The following EFCAB7 variants were observed in gnomAD, a reference collection of about 807,000 sequenced individuals.
EFCAB7 encodes the protein EF-hand calcium binding domain 7.
Under a neutral mutation model 77.1 loss-of-function variants are expected in EFCAB7, and 66 were observed. The observed-to-expected ratio is 0.86, with a 90% CI of 0.70 to 1.05. The LOEUF (loss-of-function observed/expected upper bound fraction) is 1.05, where lower values mean the gene tolerates loss of function less well. Among genes scored for constraint, EFCAB7 ranks in the 50% least tolerant of loss-of-function variants. The probability of loss-of-function intolerance (pLI) is 0.00; values close to 1 mark genes in which losing one functional copy is unlikely to be tolerated. For missense variants in EFCAB7, 638 were observed against 730.5 expected (o/e 0.87, Z 1.46); for synonymous variants, 225 against 243.3 (o/e 0.92, Z 0.70).
downstream of EFCAB7, chr1:63,572,708 T>A (rs112473856): frequency 3.1e-4 from 297 of 944,140 alleles, 2 homozygotes; most frequent in African/African-American, 4.8e-3. Context: ...GTGGTGTTCT[T>A]ATTTAGTAGG....
Position 63,572,687 on chromosome 1 carries a change from G to T in EFCAB7, c.*171G>T. On this transcript the variant is annotated 3_prime_UTR_variant, in exon 14 of 14. Transcript: ENST00000371088. ...ACTTTATTATTAAAATATAAATAATGCTTTCATTGTGTGGTGTTCTTATTT... is the reference window on the plus strand; with the variant it reads ...ACTTTATTATTAAAATATAAATAATTCTTTCATTGTGTGGTGTTCTTATTT... 1 of 987,454 alleles carries T rather than the reference G, an allele frequency of 1.0e-6. No individual in the cohort carries two copies. The highest frequency in any genetic ancestry group is 3.9e-5 in the South Asian group (1 of 25,578). 61.2% of individuals were successfully genotyped at this position (987,454 alleles called of 1,614,324 possible). A position where few individuals can be genotyped will look rare whatever the true frequency, so the allele number is the denominator to read the frequency against.
At position 63,525,468 on chromosome 1, in the gene EFCAB7, A is replaced by G. The variant is rs1024467472; in HGVS notation, c.-1-104A>G. On this transcript the variant is annotated intron_variant, in intron 1 of 13. Coordinates refer to ENST00000371088, the MANE Select transcript of EFCAB7 (RefSeq NM_032437.4). ...TCATATATGTTATAAATTTTCTTCT[A>G]TGTATAAAATCTTGATTCTCCTCCC... The G allele has an allele frequency of 9.7e-5, 86 of 888,814 alleles. 3 individuals carry two copies. The Middle Eastern group carries it at 1.2e-3, about 12-fold the overall frequency. The allele number at this position is 888,814 out of a possible 1,614,324, so 55.1% of individuals were successfully genotyped here.
At chr1:63,566,049 A>G (rs147009298) in intron 11 of EFCAB7, among the ~76,000 whole-genome samples, 50 of 152,376 alleles carry the variant, frequency 3.3e-4, no homozygotes, top group African/African-American at 1.1e-3. Flanking sequence ...ATACACATGT[A>G]TGTTCATTGC....
rs1485276791 is a variant in EFCAB7 at position 63,534,037 on chromosome 1, A to G, written c.683-58A>G. 22 of 1,600,384 alleles carry G rather than the reference A, an allele frequency of 1.4e-5. No individual in the cohort carries two copies. The East Asian group carries it at 4.7e-4, about 34-fold the overall frequency. ...CTTTTATACTGCACTGTGTTTGGAAAAAACTCCTATTGACAACTTTTCATA... is the reference window on the plus strand; with the variant it reads ...CTTTTATACTGCACTGTGTTTGGAAGAAACTCCTATTGACAACTTTTCATA... On this transcript the variant is annotated intron_variant, in intron 5 of 13. Transcript: ENST00000371088.
At chr1:63,562,647 A>C (rs889948982) in intron 11 of EFCAB7, among the ~76,000 whole-genome samples, 3 of 148,890 alleles carry the variant, frequency 2.0e-5, no homozygotes, top group Admixed American at 6.7e-5. Flanking sequence ...CTACAGGTGC[A>C]TGCCCCCACG....
intron 11 of EFCAB7, 83 bp from the exon 12 acceptor site, chr1:63,568,227 C>T: frequency 8.6e-7 from 1 of 1,166,696 alleles, no homozygotes; most frequent in South Asian, 1.6e-5. Flanking sequence ...GAAGGTATAG[C>T]ATATCTTCTT....
chr1:63,546,925 T>G (rs548801560), intron 7 of EFCAB7, among the ~76,000 whole-genome samples: 96 of 152,344 alleles, frequency 6.3e-4, no homozygotes, highest in African/African-American at 2.2e-3. Context: ...CAATGAAAGA[T>G]ATCTATCTAT....
At chr1:63,532,137 G>A (rs1270128613) in intron 3 of EFCAB7, 106 bp downstream of exon 3, 9 of 790,024 alleles carry the variant, frequency 1.1e-5, no homozygotes, top group Non-Finnish European at 1.9e-5. Context: ...TCATTGAGAG[G>A]TTAAATGAAT....
intron 11 of EFCAB7, among the ~76,000 whole-genome samples, chr1:63,563,492 G>A (rs968810422): frequency 6.6e-6 from 1 of 152,186 alleles, no homozygotes; most frequent in Admixed American, 6.5e-5. Context: ...TTCAAGGATT[G>A]CCTGGCTTTT....
intron 6 of EFCAB7, among the ~76,000 whole-genome samples, chr1:63,538,445 A>AT (rs59521276): frequency 0.14 from 20,929 of 149,952 alleles, 1,550 homozygotes; most frequent in Middle Eastern, 0.24. Flanking sequence ...TTGAAAGGGT[A>AT]TTTTTTTTTC....
rs557979683 is a variant in EFCAB7, at chr1:63,557,050, A to C, written c.1215-64A>C. 3.8e-4 allele frequency: 527 copies of C among 1,393,056 alleles called. No homozygotes were observed. In the African/African-American group the frequency reaches 7.2e-3, roughly 19 times the overall value. 86.3% of individuals were successfully genotyped at this position (1,393,056 alleles called of 1,614,324 possible). A position where few individuals can be genotyped will look rare whatever the true frequency, so the allele number is the denominator to read the frequency against. ...GAGACTCCGTCTCAAAAAAAAAAAA[A>C]AAACCCTTCTTCAGCGTAGTTGCCT... On this transcript the variant is annotated intron_variant, in intron 9 of 13. Transcript: ENST00000371088.
intron 6 of EFCAB7, among the ~76,000 whole-genome samples, chr1:63,543,822 A>G (rs1459943376): frequency 2.0e-5 from 3 of 152,218 alleles, no homozygotes; most frequent in African/African-American, 7.2e-5. Context: ...CATTTCAGGT[A>G]GGCAAGCCTA....
chr1:63,581,819 C>T, the EFCAB7 span, among the ~76,000 whole-genome samples: 2 of 151,236 alleles, frequency 1.3e-5, no homozygotes, highest in East Asian at 3.9e-4. Flanking sequence ...TAGATAGTGG[C>T]CTGTTTTATC....
rs765217503 is a variant in EFCAB7, at chr1:63,568,397, G to C, written c.1585G>C (p.Glu529Gln). The change falls in exon 12 of 14, where the codon GAG becomes CAG. Residue 529 changes from glutamate to glutamine, a missense_variant. By Grantham distance (29) the Glu-to-Gln change is conservative (BLOSUM62 2). Coordinates refer to ENST00000371088, the MANE Select transcript of EFCAB7 (RefSeq NM_032437.4). ...TATGGAGGCATGTAGTGGACAACTT[G>C]AGAAGGCCATTTGTAAATCTGTTCT... ...VHMEACSGQLEKAICKSVLSN... is the reference protein window; with the variant it reads ...VHMEACSGQLQKAICKSVLSN... 4 of 1,582,356 alleles carry C rather than the reference G, an allele frequency of 2.5e-6. No individual in the cohort carries two copies. Among genetic ancestry groups the C allele is most frequent in the Non-Finnish European group, 3.4e-6 (4 of 1,168,324 alleles).
chr1:63,571,923 G>C lies in EFCAB7; in HGVS notation c.1816-519G>C, dbSNP rs893868371. Among the ~76,000 whole-genome samples, 5 of 152,094 alleles carry C rather than the reference G, an allele frequency of 3.3e-5. No homozygotes were observed. The East Asian group carries it at 7.7e-4, about 23-fold the overall frequency. On this transcript the variant is annotated intron_variant, in intron 13 of 13. Transcript: ENST00000371088. ...AAATAAGCAAGTAAGTCAAGAGCTA[G>C]AAAAAGCTGTAGTTCTGGTGTTAGC...
intron 6 of EFCAB7, among the ~76,000 whole-genome samples, chr1:63,542,628 G>GT (rs1224527891): frequency 1.3e-5 from 2 of 152,006 alleles, no homozygotes. Context: ...GTCGTTTTCT[G>GT]TTTTTTTGAT....
At chr1:63,577,189 T>C (rs951873629), downstream of EFCAB7, among the ~76,000 whole-genome samples, 3 of 151,546 alleles carry the variant, frequency 2.0e-5, no homozygotes, top group African/African-American at 4.9e-5. Context: ...TCTAAAAATA[T>C]ATATGAATAT....
the EFCAB7 span, among the ~76,000 whole-genome samples, chr1:63,578,617 A>G: frequency 6.6e-6 from 1 of 151,684 alleles, no homozygotes; most frequent in African/African-American, 2.4e-5. Context: ...AATTTTTTGT[A>G]CTTTTAGTAG....
chr1:63,580,485 G>T, the EFCAB7 span, among the ~76,000 whole-genome samples: 3 of 152,146 alleles, frequency 2.0e-5, no homozygotes, highest in Non-Finnish European at 4.4e-5. Flanking sequence ...TAGCTTCATT[G>T]TAAGTCTTAT....
Sources: allele counts gnomAD v4.1 joint callset (sites outside exome capture counted in the v4.1 genomes callset), GRCh38; gene constraint gnomAD v4.1.1; transcripts MANE v1.5; gene names NCBI Gene and HGNC (gene_info 2026-07-23, HGNC 2026-07-21).